ARF3: variants seen among roughly 807,000 people sequenced by gnomAD.
The protein encoded by ARF3 is ADP-ribosylation factor 3.
A neutral mutation model predicts 19.3 loss-of-function variants in ARF3; 5 were observed. The ratio of observed to expected loss-of-function variants is 0.26; its 90% CI spans 0.14 to 0.54. The LOEUF is 0.54. Among genes scored for constraint, ARF3 ranks in the 20% least tolerant of loss-of-function variants. The probability of loss-of-function intolerance (pLI) is 0.95; values close to 1 mark genes in which losing one functional copy is unlikely to be tolerated. For synonymous variants in ARF3, 71 were observed against 89.2 expected (o/e 0.80, Z 1.15); for missense variants, 77 against 234.2 (o/e 0.33, Z 4.38).
rs767835509 is a variant in ARF3 at position 48,940,943 on chromosome 12, C to A, written c.148+5G>T. On this transcript the variant is annotated splice_donor_5th_base_variant and intron_variant, in intron 2 of 4. Coordinates refer to ENST00000256682, the MANE Select transcript of ARF3 (RefSeq NM_001659.3). ...TGAAAGCCCACATCCAAGCTGTGCTCTTACCAATGGTAGGGATGGTGGTGA... is the reference window on the plus strand; with the variant it reads ...TGAAAGCCCACATCCAAGCTGTGCTATTACCAATGGTAGGGATGGTGGTGA... 1 of 1,598,052 alleles carries A rather than the reference C, an allele frequency of 6.3e-7. No individual in the cohort carries two copies. The highest frequency in any genetic ancestry group is 2.3e-5 in the East Asian group (1 of 43,842).
rs553202877 is a variant in ARF3, at chr12:48,939,328, G to A, written c.385-220C>T. Among the ~76,000 whole-genome samples the A allele has an allele frequency of 2.6e-5, 4 of 152,252 alleles. No individual in the cohort carries two copies. In the East Asian group the frequency reaches 5.8e-4, roughly 22 times the overall value. On this transcript the variant is annotated intron_variant, in intron 4 of 4. Transcript: ENST00000256682. This position sits in a 1 kb window ranked among gnomAD's most constrained non-coding sequence, Gnocchi z 4.8. ...TACTGAAGAATTGGAAACCAAATAC[G>A]AGGATGGTGGGGAAGCAAGAGACGT...
chr12:48,944,538 C>G (rs1398510765), intron 1 of ARF3, among the ~76,000 whole-genome samples: 2 of 152,196 alleles, frequency 1.3e-5, no homozygotes, highest in Non-Finnish European at 2.9e-5. Flanking sequence ...TCCCTATGTG[C>G]AAAGACTATG....
At chr12:48,940,885 G>A in intron 2 of ARF3, 63 bp downstream of exon 2, 1 of 1,486,142 alleles carries the variant, frequency 6.7e-7, no homozygotes, top group South Asian at 1.4e-5. Flanking sequence ...GGGGAACCAG[G>A]AATAGGTCCC....
chr12:48,947,874 A>T (rs1940387014), intron 1 of ARF3, among the ~76,000 whole-genome samples: 1 of 152,118 alleles, frequency 6.6e-6, no homozygotes, highest in African/African-American at 2.4e-5. Flanking sequence ...GTAATCAGAC[A>T]ATAAAGAGGG....
intron 1 of ARF3, chr12:48,941,429 CT>C: frequency 5.2e-6 from 1 of 193,708 alleles, no homozygotes; most frequent in Non-Finnish European, 1.0e-5. Context: ...AGTTACTTCA[CT>C]TTTCCATATC....
At chr12:48,956,554 T>A (rs895601211) in intron 1 of ARF3, 1 of 152,112 alleles carries the variant, frequency 6.6e-6, no homozygotes, top group Admixed American at 6.5e-5. Flanking sequence ...AGAAAGCGGA[T>A]TGGAAGACAC....
At chr12:48,943,555 G>A (rs1466328421) in intron 1 of ARF3, among the ~76,000 whole-genome samples, 1 of 152,172 alleles carries the variant, frequency 6.6e-6, no homozygotes, top group Non-Finnish European at 1.5e-5. Context: ...CTATTTACAA[G>A]CTAACGCATG....
Position 48,938,785 on chromosome 12 carries a change from A to G in ARF3, c.*162T>C. On this transcript the variant is annotated 3_prime_UTR_variant, in exon 5 of 5. Coordinates refer to ENST00000256682, the MANE Select transcript of ARF3 (RefSeq NM_001659.3). ...GGATTGGTCATATAGGTGGACAGGAAAAAGGAGGGGAGGCAGGGGAGGCAA... is the reference window on the plus strand; with the variant it reads ...GGATTGGTCATATAGGTGGACAGGAGAAAGGAGGGGAGGCAGGGGAGGCAA... The G allele has an allele frequency of 1.2e-6, 1 of 831,700 alleles. No individual in the cohort carries two copies. The highest frequency in any genetic ancestry group is 1.9e-6 in the Non-Finnish European group (1 of 535,700). 51.5% of individuals were successfully genotyped at this position (831,700 alleles called of 1,614,324 possible).
chr12:48,954,349 A>G (rs1940522809), intron 1 of ARF3, among the ~76,000 whole-genome samples: 1 of 152,222 alleles, frequency 6.6e-6, no homozygotes, highest in Non-Finnish European at 1.5e-5. Flanking sequence ...CAAGCACCTC[A>G]GGCAGCAAGT....
chr12:48,940,862 A>G, intron 2 of ARF3, 86 bp downstream of exon 2: 1 of 1,453,576 alleles, frequency 6.9e-7, no homozygotes, highest in Middle Eastern at 2.6e-4. Context: ...GCCTGGGGAG[A>G]AGAGGCCAGG....
At chr12:48,954,948 G>A (rs908920624) in intron 1 of ARF3, among the ~76,000 whole-genome samples, 9 of 152,180 alleles carry the variant, frequency 5.9e-5, no homozygotes, top group Admixed American at 2.0e-4. Context: ...AGGCCAGCTC[G>A]AGGCTGCAGT....
In ARF3 at chr12:48,941,074, G is replaced by T; in HGVS notation, c.22C>A (p.Leu8Ile). ...TTCTTCCCAATCAGGCTCTTGAGAA[G>T]GTTTCCAAAGATATTGCCCATGATC... is the stretch of plus-strand genomic sequence containing the variant. MGNIFGNLLKSLIGKKEM... is the reference protein window; with the variant it reads MGNIFGNILKSLIGKKEM... Residue 8 changes from leucine (L) to isoleucine (I), a missense_variant, in exon 2 of 5, where the codon CTT becomes ATT. Transcript: ENST00000256682. 6.2e-7 allele frequency: 1 copy of T among 1,613,640 alleles called. No individual in the cohort carries two copies. Among genetic ancestry groups the T allele is most frequent in the Non-Finnish European group, 8.5e-7 (1 of 1,179,808 alleles).
In ARF3 at chr12:48,935,726, G is replaced by A. The variant is rs79744699; in HGVS notation, c.*3221C>T. ...ATTAAGGTCATTACACTGCCCAGAC[G>A]TTTATCCTTCATGTTTATTCACTGC... On this transcript the variant is annotated 3_prime_UTR_variant, in exon 5 of 5. Transcript: ENST00000256682. 0.042 allele frequency: 6,459 copies of A among 152,258 alleles called. 206 individuals carry two copies. The highest frequency in any genetic ancestry group is 0.061 in the Non-Finnish European group (4,121 of 68,016). 9.4% of individuals were successfully genotyped at this position (152,258 alleles called of 1,614,324 possible).
chr12:48,940,997 G>C lies in ARF3; in HGVS notation c.99C>G (p.Ile33Met), dbSNP rs747758626. ...TCTCCCCGAGTTTCAGCTTGTATAGGATGGTGGTCTTTCCTGCGGCATCCA... is the reference window on the plus strand; with the variant it reads ...TCTCCCCGAGTTTCAGCTTGTATAGCATGGTGGTCTTTCCTGCGGCATCCA... ...VGLDAAGKTT[I>M]LYKLKLGEIV... Residue 33 changes from isoleucine to methionine, a missense_variant, in exon 2 of 5, where the codon ATC becomes ATG. Coordinates refer to ENST00000256682, the MANE Select transcript of ARF3 (RefSeq NM_001659.3). The C allele has an allele frequency of 6.2e-7, 1 of 1,613,712 alleles. No homozygotes were observed. The highest frequency in any genetic ancestry group is 8.5e-7 in the Non-Finnish European group (1 of 1,179,828).
In ARF3 at chr12:48,941,119, G is replaced by A. The variant is rs1387230810; in HGVS notation, c.-24C>T. 1 of 1,601,876 alleles carries A rather than the reference G, an allele frequency of 6.2e-7. No individual in the cohort carries two copies. The highest frequency in any genetic ancestry group is 1.7e-5 in the Admixed American group (1 of 59,254). ...ATGATCACAGCAGCTGCTTTCTGGGGACAGTGGGGCCCAAGTAGGGGCAGT... is the reference window on the plus strand; with the variant it reads ...ATGATCACAGCAGCTGCTTTCTGGGAACAGTGGGGCCCAAGTAGGGGCAGT... On this transcript the variant is annotated 5_prime_UTR_variant, in exon 2 of 5. Coordinates refer to ENST00000256682, the MANE Select transcript of ARF3 (RefSeq NM_001659.3).
chr12:48,955,222 C>G (rs833822), intron 1 of ARF3, among the ~76,000 whole-genome samples: 75,931 of 151,934 alleles, frequency 0.5, 19,315 homozygotes, highest in South Asian at 0.74. Context: ...TCCACTCTTT[C>G]CAGTCTGCTC....
intron 1 of ARF3, among the ~76,000 whole-genome samples, chr12:48,949,462 T>C (rs1015569007): frequency 2.0e-5 from 3 of 152,168 alleles, no homozygotes; most frequent in African/African-American, 4.8e-5. Context: ...CTTGACCTCA[T>C]GATCCACCCA....
rs1158636097 is a variant in ARF3 at position 48,938,136 on chromosome 12, A to T, written c.*811T>A. The stretch of plus-strand genomic sequence containing the variant: ...CCTTCCCAACAGTAAGGCAGAGCAG[A>T]GTGGCATCTCCTTGGGAACAGTCAT... On this transcript the variant is annotated 3_prime_UTR_variant, in exon 5 of 5. Coordinates refer to ENST00000256682, the MANE Select transcript of ARF3 (RefSeq NM_001659.3). The T allele has an allele frequency of 6.0e-6, 2 of 330,668 alleles. No individual in the cohort carries two copies. Among genetic ancestry groups the T allele is most frequent in the Non-Finnish European group, 1.2e-5 (2 of 165,636 alleles). 20.5% of individuals were successfully genotyped at this position (330,668 alleles called of 1,614,324 possible).
chr12:48,940,030 G>T lies in ARF3; in HGVS notation c.226C>A (p.Pro76Thr). Residue 76 changes from proline (P) to threonine (T), a missense_variant, in exon 3 of 5, where the codon CCC becomes ACC. By Grantham distance (38) the Pro-to-Thr change is conservative. Around this residue, in one of 3 missense-constraint regions of ARF3, gnomAD observed 15 missense variants for 96.6 expected, o/e 0.16. Coordinates refer to ENST00000256682, the MANE Select transcript of ARF3 (RefSeq NM_001659.3). ...WDVGGQDKIRPLWRHYFQNTQ... is the reference protein window; with the variant it reads ...WDVGGQDKIRTLWRHYFQNTQ... ...TTCTGGAAGTAGTGTCTCCAGAGGGGTCGAATCTTGTCCTGGCCACCCACA... is the reference window on the plus strand; with the variant it reads ...TTCTGGAAGTAGTGTCTCCAGAGGGTTCGAATCTTGTCCTGGCCACCCACA... 6.2e-7 allele frequency: 1 copy of T among 1,614,154 alleles called. No individual in the cohort carries two copies. Among genetic ancestry groups the T allele is most frequent in the South Asian group, 1.1e-5 (1 of 91,084 alleles).
Sources: gnomAD v4.1 joint callset for allele counts (sites outside exome capture counted in the v4.1 genomes callset) on GRCh38, gnomAD v4.1.1 for gene constraint, gnomAD v4.1.1 regional missense constraint, Gnocchi (gnomAD v3.1) non-coding constraint, MANE v1.5 for transcripts, NCBI Gene and HGNC (gene_info 2026-07-23, HGNC 2026-07-21) for gene names.